FAF1: variants seen among roughly 807,000 people sequenced by gnomAD.
FAF1 encodes FAS-associated factor 1.
Under a neutral mutation model 92.5 loss-of-function variants are expected in FAF1, and 25 were observed. The ratio of observed to expected loss-of-function variants is 0.27; its 90% CI spans 0.20 to 0.38. The LOEUF (loss-of-function observed/expected upper bound fraction) is 0.38, where lower values mean the gene tolerates loss of function less well. FAF1 is among the 10% of genes least tolerant of loss of function. FAF1 has a pLI of 1.00. For synonymous variants in FAF1, 234 were observed against 273.2 expected (o/e 0.86, Z 1.42); for missense variants, 636 against 793.3 (o/e 0.80, Z 2.38).
intron 1 of FAF1, among the ~76,000 whole-genome samples, chr1:50,951,697 G>A (rs1645215322): frequency 6.6e-6 from 1 of 152,182 alleles, no homozygotes; most frequent in Admixed American, 6.5e-5. Context: ...AATAAATAAA[G>A]AGGACAGAGG....
At chr1:50,660,608 C>G (rs113348171) in intron 7 of FAF1, among the ~76,000 whole-genome samples, 34,943 of 151,816 alleles carry the variant, frequency 0.23, 4,436 homozygotes, top group Middle Eastern at 0.44. Flanking sequence ...ATTCTCCTGC[C>G]TCAGCCTCCT....
rs12403073 is a variant in FAF1, at chr1:50,694,713, A to G, written c.657+11073T>C. On this transcript the variant is annotated intron_variant, in intron 7 of 18. Transcript: ENST00000396153. Reference sequence around the variant, plus strand: ...GCAATCTCAGCACTTTGGGAGGCCGAGGTGGGCGGATCACCTGAGGTCAGG... The same window carrying G: ...GCAATCTCAGCACTTTGGGAGGCCGGGGTGGGCGGATCACCTGAGGTCAGG... Among the ~76,000 whole-genome samples, 476 of 149,410 alleles carry G rather than the reference A, an allele frequency of 3.2e-3. 3 individuals are homozygous for G. The highest frequency in any genetic ancestry group is 7.0e-3 in the Middle Eastern group (2 of 286).
At chr1:50,951,503 T>A (rs1424325447) in intron 1 of FAF1, among the ~76,000 whole-genome samples, 3 of 152,136 alleles carry the variant, frequency 2.0e-5, no homozygotes, top group African/African-American at 4.8e-5. Flanking sequence ...GGCAGAGGGG[T>A]GTGAGGTGAT....
intron 1 of FAF1, among the ~76,000 whole-genome samples, chr1:50,886,822 A>G (rs941726244): frequency 2.6e-5 from 4 of 152,220 alleles, no homozygotes; most frequent in Non-Finnish European, 4.4e-5. Flanking sequence ...TATTGTGAAT[A>G]GTGCCGCAAT....
intron 14 of FAF1, 70 bp downstream of exon 14, chr1:50,539,522 C>T (rs940340938): frequency 3.7e-6 from 4 of 1,074,726 alleles, no homozygotes; most frequent in Non-Finnish European, 5.2e-6. Flanking sequence ...ATATTGTCAG[C>T]TTGGGTGGAA....
At chr1:50,890,174 G>A (rs1315858820) in intron 1 of FAF1, among the ~76,000 whole-genome samples, 2 of 152,128 alleles carry the variant, frequency 1.3e-5, no homozygotes, top group Admixed American at 6.6e-5. Flanking sequence ...TCAGAGACTA[G>A]GATTGCAACC....
intron 2 of FAF1, among the ~76,000 whole-genome samples, chr1:50,822,437 A>G (rs1644051480): frequency 6.6e-6 from 1 of 152,234 alleles, no homozygotes; most frequent in African/African-American, 2.4e-5. Context: ...GAACAAAAGG[A>G]TTTGACAACC....
chr1:50,799,505 T>TA (rs1032418346), intron 3 of FAF1, among the ~76,000 whole-genome samples: 289 of 145,908 alleles, frequency 2.0e-3, no homozygotes, highest in East Asian at 5.3e-3. Context: ...TTCTTTCTCT[T>TA]AAAAAAAAAA....
intron 7 of FAF1, among the ~76,000 whole-genome samples, chr1:50,687,056 T>G (rs1053975416): frequency 3.9e-5 from 6 of 152,130 alleles, no homozygotes; most frequent in African/African-American, 1.4e-4. Context: ...CTCGAACTCC[T>G]GACCTCAGGC....
intron 2 of FAF1, among the ~76,000 whole-genome samples, chr1:50,847,884 CAT>C (rs1644315177): frequency 6.6e-6 from 1 of 151,278 alleles, no homozygotes; most frequent in African/African-American, 2.4e-5. Context: ...CAAATGCACA[CAT>C]ATACACACAC....
chr1:50,621,403 T>C (rs1274307454), intron 8 of FAF1, among the ~76,000 whole-genome samples: 3 of 132,668 alleles, frequency 2.3e-5, no homozygotes, highest in African/African-American at 9.0e-5. Context: ...TTTTTTTTTT[T>C]TTTTTTTTTT....
At chr1:50,565,271 T>C (rs559428490) in intron 13 of FAF1, among the ~76,000 whole-genome samples, 2 of 152,174 alleles carry the variant, frequency 1.3e-5, no homozygotes, top group African/African-American at 4.8e-5. Context: ...CCTATAAATG[T>C]TTATTAAATT....
At chr1:50,590,265 C>T (rs900890489) in intron 9 of FAF1, among the ~76,000 whole-genome samples, 1 of 152,190 alleles carries the variant, frequency 6.6e-6, no homozygotes, top group African/African-American at 2.4e-5. Context: ...AATATTACGC[C>T]TTCCAACCCA....
chr1:50,851,944 T>C (rs534818980), intron 2 of FAF1, among the ~76,000 whole-genome samples: 1 of 152,264 alleles, frequency 6.6e-6, no homozygotes, highest in South Asian at 2.1e-4. Flanking sequence ...ACTATTTAAT[T>C]ATAGTTTAGC....
chr1:50,862,821 C>G (rs1320841544), intron 1 of FAF1, among the ~76,000 whole-genome samples: 1 of 151,766 alleles, frequency 6.6e-6, no homozygotes, highest in Non-Finnish European at 1.5e-5. Context: ...GATAAAGGGA[C>G]TAGTACAACA....
At chr1:50,663,290 C>T (rs989143409) in intron 7 of FAF1, among the ~76,000 whole-genome samples, 3 of 151,570 alleles carry the variant, frequency 2.0e-5, no homozygotes, top group Non-Finnish European at 4.4e-5. Flanking sequence ...TTCATGGGCC[C>T]CACCACAGAC....
intron 1 of FAF1, among the ~76,000 whole-genome samples, chr1:50,872,962 A>G (rs913900674): frequency 6.6e-6 from 1 of 152,132 alleles, no homozygotes; most frequent in Non-Finnish European, 1.5e-5. Context: ...CTCATGAAAG[A>G]AGGCCAACCA....
chr1:50,654,779 G>GTATCTGAA (rs1227478736), intron 8 of FAF1, among the ~76,000 whole-genome samples: 1 of 152,040 alleles, frequency 6.6e-6, no homozygotes, highest in Non-Finnish European at 1.5e-5. Context: ...TTCATTAGTA[G>GTATCTGAA]TATCTGAATA....
intron 18 of FAF1, among the ~76,000 whole-genome samples, chr1:50,456,284 G>A (rs1646351972): frequency 6.6e-6 from 1 of 152,084 alleles, no homozygotes; most frequent in Non-Finnish European, 1.5e-5. Context: ...TGCTGGAGAT[G>A]TCAAAATGAG....
Sources: allele counts gnomAD v4.1 joint callset (sites outside exome capture counted in the v4.1 genomes callset), GRCh38; gene constraint gnomAD v4.1.1; transcripts MANE v1.5; gene names NCBI Gene and HGNC (gene_info 2026-07-23, HGNC 2026-07-21).